The following ARHGAP42 variants were observed in gnomAD, a reference collection of about 807,000 sequenced individuals.
ARHGAP42 encodes the protein Rho GTPase activating protein 42, also known as rho GTPase-activating protein 42.
ARHGAP42 carries 63 observed loss-of-function variants against 125.0 expected under a neutral mutation model. That is an observed-to-expected ratio of 0.50 (90% CI 0.41 to 0.62). ARHGAP42 has a LOEUF of 0.62. ARHGAP42 is among the 20% of genes least tolerant of loss of function. The pLI is 0.00. For missense variants in ARHGAP42, 766 were observed against 1,024.2 expected (o/e 0.75, Z 3.44); for synonymous variants, 339 against 351.0 (o/e 0.97, Z 0.38).
chr11:100,971,542 G>C (rs1335017334), intron 17 of ARHGAP42, among the ~76,000 whole-genome samples: 1 of 152,094 alleles, frequency 6.6e-6, no homozygotes, highest in Non-Finnish European at 1.5e-5. Context: ...CCAGCAGAAA[G>C]AAAATTCAAT....
intron 1 of ARHGAP42, among the ~76,000 whole-genome samples, chr11:100,750,295 C>T (rs1364041373): frequency 6.6e-6 from 1 of 152,198 alleles, no homozygotes; most frequent in Non-Finnish European, 1.5e-5. Flanking sequence ...GGTTCTTATT[C>T]CTGATGCACG....
rs573205085 is a variant in ARHGAP42, at chr11:100,870,300, G to A, written c.384+10675G>A. The stretch of plus-strand genomic sequence containing the variant: ...TGAGGAGTTAAGCTCTGCTTGAAAC[G>A]TCTCCATAGGACACAATTTCCCTGT... On this transcript the variant is annotated intron_variant, in intron 4 of 23. Transcript: ENST00000298815. Among the ~76,000 whole-genome samples the A allele has an allele frequency of 3.9e-5, 6 of 152,244 alleles. No individual in the cohort carries two copies. In the South Asian group the frequency reaches 6.2e-4, roughly 16 times the overall value.
chr11:100,701,501 A>T (rs1222443265), intron 1 of ARHGAP42, among the ~76,000 whole-genome samples: 3 of 152,204 alleles, frequency 2.0e-5, no homozygotes, highest in African/African-American at 7.2e-5. Context: ...CCATACTCTT[A>T]GCTAGATCTT....
chr11:100,754,878 A>C (rs1862537623), intron 1 of ARHGAP42, among the ~76,000 whole-genome samples: 1 of 152,332 alleles, frequency 6.6e-6, no homozygotes, highest in East Asian at 1.9e-4. Context: ...TGAAAGTAAT[A>C]ATAAAAAAGT....
At chr11:100,699,504 ATATTTTTTTTTTTTTTTTTTTTT>A (rs1323631560) in intron 1 of ARHGAP42, among the ~76,000 whole-genome samples, 4 of 33,568 alleles carry the variant, frequency 1.2e-4, no homozygotes, top group African/African-American at 4.4e-4. Flanking sequence ...ATATATATAT[ATATTTTTTTTTTTTTTTTTTTTT>A]TTTTTTTTTT....
At chr11:100,787,221 T>A (rs932485776) in intron 2 of ARHGAP42, among the ~76,000 whole-genome samples, 1 of 150,868 alleles carries the variant, frequency 6.6e-6, no homozygotes, top group African/African-American at 2.4e-5. Context: ...GAGCTTGCAG[T>A]GAGCCGAGAT....
chr11:100,722,341 A>G (rs1591127910), intron 1 of ARHGAP42, among the ~76,000 whole-genome samples: 1 of 151,308 alleles, frequency 6.6e-6, no homozygotes, highest in East Asian at 1.9e-4. Context: ...TATTTTGGAT[A>G]TAAGTCCTTC....
chr11:100,779,944 T>C (rs1016817986), intron 2 of ARHGAP42, among the ~76,000 whole-genome samples: 2 of 151,828 alleles, frequency 1.3e-5, no homozygotes, highest in African/African-American at 4.8e-5. Flanking sequence ...GAGAATTGCT[T>C]GAACCTGGGA....
At chr11:100,836,875 T>G (rs909144027) in intron 3 of ARHGAP42, among the ~76,000 whole-genome samples, 1 of 151,978 alleles carries the variant, frequency 6.6e-6, no homozygotes, top group African/African-American at 2.4e-5. Context: ...TTGAATGTTA[T>G]TGATTACTTT....
At chr11:100,889,788 G>A (rs1940225) in intron 4 of ARHGAP42, among the ~76,000 whole-genome samples, 28,020 of 152,038 alleles carry the variant, frequency 0.18, 3,489 homozygotes, top group East Asian at 0.44. Flanking sequence ...TTCTACTTTT[G>A]GCAGTGCTCC....
chr11:100,952,684 C>T (rs1232687197), intron 12 of ARHGAP42, among the ~76,000 whole-genome samples: 2 of 150,320 alleles, frequency 1.3e-5, no homozygotes, highest in Admixed American at 6.6e-5. Context: ...ATTTAGCTGC[C>T]AGCACCTCTG....
rs1193277878 is a variant in ARHGAP42, at chr11:100,877,987, G to A, written c.384+18362G>A. Among the ~76,000 whole-genome samples, 63 of 136,944 alleles carry A rather than the reference G, an allele frequency of 4.6e-4. 1 individual carries two copies. The highest frequency in any genetic ancestry group is 7.1e-4 in the Non-Finnish European group (46 of 65,152). 89.8% of individuals were successfully genotyped at this position (136,944 alleles called of 152,430 possible). On this transcript the variant is annotated intron_variant, in intron 4 of 23. Transcript: ENST00000298815. ...ACCACTGCACTCCAGCCTGGGTGAC[G>A]CAGCGAGACTCTGTCCCAGAAAAAA...
At chr11:100,936,824 T>C (rs989738074) in intron 8 of ARHGAP42, among the ~76,000 whole-genome samples, 3 of 152,340 alleles carry the variant, frequency 2.0e-5, no homozygotes, top group Admixed American at 6.5e-5. Context: ...AGCACTATTA[T>C]AATTGCCTCA....
In ARHGAP42 at chr11:100,978,978, A is replaced by C; in HGVS notation, c.2394-9A>C. On this transcript the variant is annotated splice_polypyrimidine_tract_variant and intron_variant, in intron 21 of 23. Coordinates refer to ENST00000298815, the MANE Select transcript of ARHGAP42 (RefSeq NM_152432.4). Reference sequence around the variant, plus strand: ...CTTCATGAAACTTGCATTTTAAATCATTTTTCAGAGTGGCAGCAAAAGCTC... The same window carrying C: ...CTTCATGAAACTTGCATTTTAAATCCTTTTTCAGAGTGGCAGCAAAAGCTC... The C allele has an allele frequency of 6.4e-7, 1 of 1,551,472 alleles. No individual in the cohort carries two copies. The highest frequency in any genetic ancestry group is 1.2e-5 in the South Asian group (1 of 84,044).
At chr11:100,894,539 A>G (rs1866295715) in intron 4 of ARHGAP42, among the ~76,000 whole-genome samples, 1 of 152,196 alleles carries the variant, frequency 6.6e-6, no homozygotes, top group Non-Finnish European at 1.5e-5. Context: ...TTTGTGGACT[A>G]AGCCATGTGA....
chr11:100,810,744 A>G (rs557729724), intron 3 of ARHGAP42, among the ~76,000 whole-genome samples: 119 of 152,316 alleles, frequency 7.8e-4, no homozygotes, highest in African/African-American at 2.7e-3. Flanking sequence ...TAAGTGATGC[A>G]AATAAAATAA....
At chr11:100,946,281 C>G (rs497234) in intron 10 of ARHGAP42, among the ~76,000 whole-genome samples, 126,588 of 152,018 alleles carry the variant, frequency 0.83, 52,792 homozygotes, top group African/African-American at 0.87. Context: ...TCTATACACA[C>G]CACTAGAACT....
chr11:100,968,593 A>G (rs1459917682), intron 17 of ARHGAP42, among the ~76,000 whole-genome samples: 1 of 152,150 alleles, frequency 6.6e-6, no homozygotes, highest in Non-Finnish European at 1.5e-5. Flanking sequence ...ATGTAATTTA[A>G]TGCTTCTTAA....
chr11:100,767,395 C>T (rs1862855130), intron 1 of ARHGAP42, among the ~76,000 whole-genome samples: 1 of 152,192 alleles, frequency 6.6e-6, no homozygotes. Context: ...GCCTTCAGCA[C>T]TCATACTCAG....
Sources: gnomAD v4.1 joint callset for allele counts (sites outside exome capture counted in the v4.1 genomes callset) on GRCh38, gnomAD v4.1.1 for gene constraint, MANE v1.5 for transcripts, NCBI Gene and HGNC (gene_info 2026-07-23, HGNC 2026-07-21) for gene names.